The following SCLT1 variants were observed in gnomAD, a reference collection of about 807,000 sequenced individuals.
The protein encoded by SCLT1 is sodium channel-associated protein 1.
SCLT1 carries 78 observed loss-of-function variants against 112.8 expected under a neutral mutation model. The ratio of observed to expected loss-of-function variants is 0.69; its 90% CI spans 0.58 to 0.83. The LOEUF (loss-of-function observed/expected upper bound fraction) is 0.83. Ranked by LOEUF, SCLT1 falls within the 40% of genes least tolerant of loss-of-function variation. The probability of loss-of-function intolerance (pLI) is 0.00; values close to 1 mark genes in which losing one functional copy is unlikely to be tolerated. For synonymous variants in SCLT1, 257 were observed against 254.7 expected (o/e 1.01, Z -0.09); for missense variants, 747 against 770.4 (o/e 0.97, Z 0.36).
chr4:128,920,460 T>C (rs993070827), intron 18 of SCLT1, among the ~76,000 whole-genome samples: 1 of 152,120 alleles, frequency 6.6e-6, no homozygotes, highest in African/African-American at 2.4e-5. Flanking sequence ...CCCAGCTAAT[T>C]TTTGTATTTT....
chr4:128,951,360 T>C (rs1052247255), intron 14 of SCLT1, among the ~76,000 whole-genome samples: 21 of 152,264 alleles, frequency 1.4e-4, no homozygotes, highest in Non-Finnish European at 3.1e-4. Flanking sequence ...AGATGTTTCA[T>C]ATCTTTAGAA....
intron 2 of SCLT1, among the ~76,000 whole-genome samples, chr4:129,051,968 G>C (rs930101140): frequency 6.6e-6 from 1 of 151,878 alleles, no homozygotes; most frequent in Non-Finnish European, 1.5e-5. Flanking sequence ...GCTTTTTTTT[G>C]CATCTATTGA....
chr4:128,916,341 A>C (rs939284503), intron 18 of SCLT1, among the ~76,000 whole-genome samples: 1 of 152,242 alleles, frequency 6.6e-6, no homozygotes, highest in African/African-American at 2.4e-5. Flanking sequence ...GTTATTTTTA[A>C]CACAAAAATG....
At chr4:128,969,572 A>AAAAAT (rs748878885) in intron 10 of SCLT1, among the ~76,000 whole-genome samples, 220 of 152,062 alleles carry the variant, frequency 1.4e-3, no homozygotes, top group Non-Finnish European at 1.8e-3. Context: ...ACTCTGACTC[A>AAAAAT]AAAATAAAAT....
chr4:128,928,459 A>T (rs1736480497), intron 18 of SCLT1, among the ~76,000 whole-genome samples: 1 of 152,200 alleles, frequency 6.6e-6, no homozygotes, highest in African/African-American at 2.4e-5. Context: ...ACACTAGCAA[A>T]ATCAATCCAT....
chr4:129,043,484 A>C lies in SCLT1; in HGVS notation c.162-17T>G. The C allele has an allele frequency of 4.4e-6, 5 of 1,140,336 alleles. No individual in the cohort carries two copies. The highest frequency in any genetic ancestry group is 6.5e-6 in the Non-Finnish European group (5 of 769,236). 70.6% of individuals were successfully genotyped at this position (1,140,336 alleles called of 1,614,324 possible). Reference sequence around the variant, plus strand: ...GCTAAAAAGCTAAAAAAAGACAATAAAAATATAGCATATTCTGTTCCATCT... The same window carrying C: ...GCTAAAAAGCTAAAAAAAGACAATACAAATATAGCATATTCTGTTCCATCT... On this transcript the variant is annotated splice_polypyrimidine_tract_variant and intron_variant, in intron 3 of 20. Transcript: ENST00000281142.
intron 2 of SCLT1, among the ~76,000 whole-genome samples, chr4:129,063,211 T>C (rs968034640): frequency 2.0e-5 from 3 of 152,242 alleles, no homozygotes; most frequent in Non-Finnish European, 2.9e-5. Flanking sequence ...ATTACGTTGC[T>C]ATCTTAACAT....
At chr4:128,948,335 C>CAAAAAAAAA (rs11312069) in intron 15 of SCLT1, among the ~76,000 whole-genome samples, 161 bp downstream of exon 15, 229 of 47,942 alleles carry the variant, frequency 4.8e-3, no homozygotes, top group Admixed American at 5.6e-3. Context: ...GACTCCATTG[C>CAAAAAAAAA]AAAAAAAAAA....
intron 1 of SCLT1, among the ~76,000 whole-genome samples, chr4:129,084,095 T>C (rs1752190983): frequency 6.6e-6 from 1 of 152,122 alleles, no homozygotes; most frequent in African/African-American, 2.4e-5. Context: ...TACTCATGAG[T>C]AAAAATGTTG....
At chr4:128,877,811 A>G (rs1436115884) in intron 3 of SCLT1, among the ~76,000 whole-genome samples, 1 of 152,236 alleles carries the variant, frequency 6.6e-6, no homozygotes, top group Non-Finnish European at 1.5e-5. Flanking sequence ...GCACTGGTTA[A>G]AAGACTTTGA....
chr4:129,088,537 GA>G (rs1301995595), intron 1 of SCLT1, among the ~76,000 whole-genome samples: 4 of 152,128 alleles, frequency 2.6e-5, no homozygotes, highest in African/African-American at 9.7e-5. Context: ...GTGAGAAAAA[GA>G]AATGAAAGGC....
intron 18 of SCLT1, among the ~76,000 whole-genome samples, chr4:128,906,224 G>A (rs1028058351): frequency 3.3e-5 from 5 of 152,082 alleles, no homozygotes; most frequent in African/African-American, 9.7e-5. Flanking sequence ...TTGAAACAGA[G>A]TCTCGCTCTG....
At chr4:129,071,905 A>G (rs1751045444) in intron 2 of SCLT1, among the ~76,000 whole-genome samples, 1 of 152,054 alleles carries the variant, frequency 6.6e-6, no homozygotes, top group South Asian at 2.1e-4. Context: ...TTTGTTTTAT[A>G]GGTCCTGTGT....
intron 18 of SCLT1, among the ~76,000 whole-genome samples, chr4:128,910,313 T>C (rs982150717): frequency 2.6e-5 from 4 of 152,208 alleles, no homozygotes; most frequent in Non-Finnish European, 5.9e-5. Context: ...TGGGTAAAAA[T>C]TATTGCTTAA....
intron 8 of SCLT1, among the ~76,000 whole-genome samples, 172 bp from the exon 9 acceptor site, chr4:128,992,409 A>G (rs1742655325): frequency 6.6e-6 from 1 of 151,888 alleles, no homozygotes. Context: ...TTACTACTTC[A>G]TTGGATACCT....
In SCLT1 at chr4:129,078,179, G is replaced by T. The variant is rs146345559; in HGVS notation, c.102+4127C>A. On this transcript the variant is annotated intron_variant, in intron 2 of 20. Transcript: ENST00000281142. Reference sequence around the variant, plus strand: ...AAGCAGTTATAATTCTTCCAAAGAGGACAATCTTGTAAAGGAAGATTTGTC... The same window carrying T: ...AAGCAGTTATAATTCTTCCAAAGAGTACAATCTTGTAAAGGAAGATTTGTC... 1.7e-3 allele frequency among the ~76,000 whole-genome samples: 255 copies of T among 152,304 alleles called. 1 individual carries two copies. Among genetic ancestry groups the T allele is most frequent in the African/African-American group, 6.0e-3 (250 of 41,566 alleles).
At chr4:129,076,871 T>C (rs1226344572) in intron 2 of SCLT1, among the ~76,000 whole-genome samples, 1 of 152,050 alleles carries the variant, frequency 6.6e-6, no homozygotes, top group Non-Finnish European at 1.5e-5. Flanking sequence ...AACTGAATTT[T>C]ACAACCCTGA....
In SCLT1 at chr4:128,946,457, A is replaced by T. The variant is rs59403889; in HGVS notation, c.1294-305T>A. ...CATGGTGGCTCACACTTGCAGTCCC[A>T]GCTATTAGGGAGGCTCAGGTAGGAG... On this transcript the variant is annotated intron_variant, in intron 15 of 20. Transcript: ENST00000281142. 4.5e-3 allele frequency among the ~76,000 whole-genome samples: 682 copies of T among 152,294 alleles called. 23 individuals carry two copies. In the East Asian group the frequency reaches 0.081, roughly 18 times the overall value.
intron 18 of SCLT1, among the ~76,000 whole-genome samples, chr4:128,893,347 T>C (rs958685916): frequency 2.6e-5 from 4 of 152,212 alleles, no homozygotes; most frequent in Non-Finnish European, 5.9e-5. Flanking sequence ...TATCAAGCTC[T>C]GTCTCCCCCA....
Sources: gnomAD v4.1 joint callset for allele counts (sites outside exome capture counted in the v4.1 genomes callset) on GRCh38, gnomAD v4.1.1 for gene constraint, MANE v1.5 for transcripts, NCBI Gene and HGNC (gene_info 2026-07-23, HGNC 2026-07-21) for gene names.